Variants in PRUNE2 observed in about 807,000 individuals in gnomAD.
PRUNE2 encodes protein prune homolog 2.
PRUNE2 carries 164 observed loss-of-function variants against 252.0 expected under a neutral mutation model. The ratio of observed to expected loss-of-function variants is 0.65; its 90% CI spans 0.57 to 0.74. The LOEUF (loss-of-function observed/expected upper bound fraction) is 0.74, where lower values mean the gene tolerates loss of function less well. Among genes scored for constraint, PRUNE2 ranks in the 30% least tolerant of loss-of-function variants. The probability of loss-of-function intolerance (pLI) is 0.00; values close to 1 mark genes in which losing one functional copy is unlikely to be tolerated. For synonymous variants in PRUNE2, 1,292 were observed against 1,350.2 expected (o/e 0.96, Z 0.94); for missense variants, 3,495 against 3,711.0 (o/e 0.94, Z 1.51).
In PRUNE2 at chr9:76,705,244, A is replaced by G; in HGVS notation, c.7030T>C (p.Ser2344Pro). 1.2e-6 allele frequency: 2 copies of G among 1,614,018 alleles called. No individual in the cohort carries two copies. Among genetic ancestry groups the G allele is most frequent in the Non-Finnish European group, 1.7e-6 (2 of 1,179,890 alleles). ...AAATCACCCCACGAGGCTTCAGATG[A>G]GCAGATATCTTGCTTCCCTAGGTCC... ...DGDLGKQDIC[S>P]SEASWGDFEY... Residue 2344 changes from serine to proline, a missense_variant, in exon 8 of 19, where the codon TCA becomes CCA. Transcript: ENST00000376718.
At chr9:76,801,895 G>A (rs546870441) in intron 6 of PRUNE2, among the ~76,000 whole-genome samples, 42 of 152,252 alleles carry the variant, frequency 2.8e-4, no homozygotes, top group African/African-American at 9.9e-4. Flanking sequence ...AAAGCGTTAT[G>A]TCATTAATGG....
At chr9:76,806,477 A>T (rs1225528860) in intron 6 of PRUNE2, among the ~76,000 whole-genome samples, 1 of 149,644 alleles carries the variant, frequency 6.7e-6, no homozygotes, top group African/African-American at 2.5e-5. Flanking sequence ...TTTAACACTT[A>T]TGAGGGGCTT....
At chr9:76,884,805 A>G (rs2133362801) in intron 1 of PRUNE2, among the ~76,000 whole-genome samples, 1 of 152,372 alleles carries the variant, frequency 6.6e-6, no homozygotes, top group East Asian at 1.9e-4. Context: ...GCAATTAAAG[A>G]AACAGGATTC....
At chr9:76,643,943 C>T (rs189997667) in intron 12 of PRUNE2, among the ~76,000 whole-genome samples, 1 of 152,302 alleles carries the variant, frequency 6.6e-6, no homozygotes, top group East Asian at 1.9e-4. Flanking sequence ...TGTCAGCTCA[C>T]ACTCTTTCTG....
chr9:76,770,180 A>T (rs895781441), intron 6 of PRUNE2, among the ~76,000 whole-genome samples: 2 of 152,092 alleles, frequency 1.3e-5, no homozygotes, highest in Admixed American at 1.3e-4. Context: ...AAACTTTTTG[A>T]CTTCATTTGA....
chr9:76,795,924 C>A (rs1431815143), intron 6 of PRUNE2, among the ~76,000 whole-genome samples: 1 of 152,112 alleles, frequency 6.6e-6, no homozygotes, highest in Non-Finnish European at 1.5e-5. Flanking sequence ...GAATAAGACT[C>A]AAACAGATAG....
chr9:76,699,467 T>G (rs565664620), intron 9 of PRUNE2, among the ~76,000 whole-genome samples: 4 of 152,258 alleles, frequency 2.6e-5, no homozygotes, highest in Admixed American at 1.3e-4. Context: ...GGGGCCTTCA[T>G]CCAATCAGAT....
intron 9 of PRUNE2, among the ~76,000 whole-genome samples, chr9:76,677,409 G>A (rs185051585): frequency 2.0e-5 from 3 of 152,286 alleles, no homozygotes; most frequent in East Asian, 1.9e-4. Context: ...GTTTTTGATA[G>A]GATCCCTTTA....
chr9:76,864,419 A>G (rs1436657450), intron 1 of PRUNE2, among the ~76,000 whole-genome samples: 1 of 152,140 alleles, frequency 6.6e-6, no homozygotes, highest in Non-Finnish European at 1.5e-5. Context: ...CATGTAACAA[A>G]CCTGCATATG....
intron 6 of PRUNE2, among the ~76,000 whole-genome samples, chr9:76,722,116 T>C (rs142673667): frequency 0.027 from 4,057 of 152,216 alleles, 156 homozygotes; most frequent in African/African-American, 0.09. Context: ...TGGAGTGCAG[T>C]GGTGTGATCT....
At chr9:76,622,526 T>C (rs1340912734) in intron 17 of PRUNE2, among the ~76,000 whole-genome samples, 1 of 152,156 alleles carries the variant, frequency 6.6e-6, no homozygotes, top group Non-Finnish European at 1.5e-5. Context: ...GTCTTCAAAA[T>C]AGCGCTTTAA....
intron 2 of PRUNE2, 109 bp from the exon 3 acceptor site, chr9:76,850,774 C>A: frequency 1.3e-6 from 1 of 749,608 alleles, no homozygotes; most frequent in East Asian, 2.5e-5. Flanking sequence ...AGTCTTCTGG[C>A]CTCACTAAAC....
chr9:76,693,278 T>G (rs1444205517), intron 9 of PRUNE2, among the ~76,000 whole-genome samples: 2 of 149,854 alleles, frequency 1.3e-5, no homozygotes, highest in South Asian at 2.1e-4. Context: ...AATCTTTTTC[T>G]TTTTTTGATG....
In PRUNE2 at chr9:76,709,886, T is replaced by G; in HGVS notation, c.2388A>C (p.Pro796=). 1 of 1,613,874 alleles carries G rather than the reference T, an allele frequency of 6.2e-7. No individual in the cohort carries two copies. The change falls in exon 8 of 19, where the codon CCA becomes CCC. Residue 796 remains proline (P), a synonymous_variant. Coordinates refer to ENST00000376718, the MANE Select transcript of PRUNE2 (RefSeq NM_015225.3). The part of the protein sequence containing the change: ...TDDGEPAAVA[P]FPAWSAFGKE... ...TACCAAATGCACTCCAGGCTGGGAA[T>G]GGCGCCACAGCTGCTGGTTCACCAT...
intron 9 of PRUNE2, among the ~76,000 whole-genome samples, chr9:76,660,968 G>A (rs928660326): frequency 3.9e-5 from 6 of 151,966 alleles, no homozygotes; most frequent in East Asian, 1.9e-4. Flanking sequence ...GCATTTCCAG[G>A]AGATGCAATA....
chr9:76,615,115 T>G, intron 18 of PRUNE2: 3 of 985,854 alleles, frequency 3.0e-6, no homozygotes, highest in Non-Finnish European at 3.6e-6. Flanking sequence ...GATGGATGTT[T>G]ATAACTAAAG....
chr9:76,899,338 A>C (rs1404858072), intron 1 of PRUNE2, among the ~76,000 whole-genome samples: 3 of 152,224 alleles, frequency 2.0e-5, no homozygotes, highest in African/African-American at 7.2e-5. Context: ...GTCATGCATA[A>C]AAATTAGATT....
chr9:76,762,637 A>C (rs960914598), intron 6 of PRUNE2, among the ~76,000 whole-genome samples: 1 of 152,110 alleles, frequency 6.6e-6, no homozygotes, highest in African/African-American at 2.4e-5. Flanking sequence ...TACATGTTCA[A>C]AATGCAGGCA....
intron 6 of PRUNE2, among the ~76,000 whole-genome samples, chr9:76,769,220 A>C (rs998103522): frequency 6.6e-6 from 1 of 152,240 alleles, no homozygotes; most frequent in African/African-American, 2.4e-5. Context: ...CTTGCCCTTT[A>C]AAATATGAGA....
Sources: allele counts gnomAD v4.1 joint callset (sites outside exome capture counted in the v4.1 genomes callset), GRCh38; gene constraint gnomAD v4.1.1; transcripts MANE v1.5; gene names NCBI Gene and HGNC (gene_info 2026-07-23, HGNC 2026-07-21).